DMXL2: variants seen among roughly 807,000 people sequenced by gnomAD.
DMXL2 encodes the protein dmX-like protein 2.
A neutral mutation model predicts 331.1 loss-of-function variants in DMXL2; 103 were observed. The ratio of observed to expected loss-of-function variants is 0.31; its 90% CI spans 0.27 to 0.37. DMXL2 has a LOEUF of 0.37. Ranked by LOEUF, DMXL2 falls within the 10% of genes least tolerant of loss-of-function variation. The pLI is 1.00. For missense variants in DMXL2, 3,171 were observed against 3,642.9 expected (o/e 0.87, Z 3.33); for synonymous variants, 1,281 against 1,252.1 (o/e 1.02, Z -0.49).
chr15:51,458,814 C>A lies in DMXL2; in HGVS notation c.7990-19G>T. On this transcript the variant is annotated intron_variant, in intron 34 of 43. Transcript: ENST00000560891. ...CTTCAACCTAGAAAACATTCATCAG[C>A]AGTTTTAGTTGCTGCAGCACAGCTC... 3 of 1,607,388 alleles carry A rather than the reference C, an allele frequency of 1.9e-6. No homozygotes were observed. Among genetic ancestry groups the A allele is most frequent in the Non-Finnish European group, 2.6e-6 (3 of 1,174,282 alleles).
chr15:51,453,735 C>T (rs866255949), intron 40 of DMXL2, 94 bp from the exon 41 acceptor site: 7 of 980,092 alleles, frequency 7.1e-6, no homozygotes, highest in Admixed American at 2.5e-5. Context: ...ATACTATATG[C>T]ATGAGCTAAA....
chr15:51,451,745 A>C (rs2039161749), intron 41 of DMXL2, 48 bp from the exon 42 acceptor site: 2 of 1,514,902 alleles, frequency 1.3e-6, no homozygotes, highest in Non-Finnish European at 1.8e-6. Context: ...TGATTGTTAT[A>C]AGTCGTCATC....
chr15:51,529,360 C>T (rs2047868758), intron 13 of DMXL2, among the ~76,000 whole-genome samples: 1 of 151,704 alleles, frequency 6.6e-6, no homozygotes, highest in African/African-American at 2.4e-5. Context: ...CAAGTTTTTT[C>T]CCAGACTAAG....
intron 13 of DMXL2, among the ~76,000 whole-genome samples, chr15:51,531,597 A>G (rs1163841116): frequency 1.3e-5 from 2 of 152,222 alleles, no homozygotes; most frequent in African/African-American, 2.4e-5. Context: ...CCACAGAATG[A>G]GAGAAAATAT....
intron 27 of DMXL2, 118 bp downstream of exon 27, chr15:51,476,471 C>CAAAG (rs1012188485): frequency 6.6e-6 from 8 of 1,204,266 alleles, no homozygotes; most frequent in African/African-American, 3.1e-5. Context: ...CATCAAAAAA[C>CAAAG]AAAGAAAGAA....
In DMXL2 at chr15:51,494,497, T is replaced by A. The variant is rs116375282; in HGVS notation, c.4783+527A>T. ...TTTTAATTCTATAGTTTCAATTTTT[T>A]AATCTGTAATACGAAGGCTGATATA... On this transcript the variant is annotated intron_variant, in intron 19 of 43. Transcript: ENST00000560891. 6.8e-3 allele frequency among the ~76,000 whole-genome samples: 1,029 copies of A among 152,320 alleles called. 19 individuals carry two copies. Among genetic ancestry groups the A allele is most frequent in the African/African-American group, 0.024 (993 of 41,580 alleles).
At chr15:51,552,106 C>A (rs759909035) in intron 6 of DMXL2, among the ~76,000 whole-genome samples, 1 of 152,182 alleles carries the variant, frequency 6.6e-6, no homozygotes, top group Non-Finnish European at 1.5e-5. Context: ...TTGGCATATT[C>A]AAGGCCTTGA....
chr15:51,477,989 A>G (rs1404055416), intron 26 of DMXL2, among the ~76,000 whole-genome samples: 1 of 152,102 alleles, frequency 6.6e-6, no homozygotes, highest in Non-Finnish European at 1.5e-5. Context: ...ATTTCATATT[A>G]TAAGTTATTA....
At chr15:51,456,278 C>T (rs527513265) in intron 38 of DMXL2, 31 bp downstream of exon 38, 2 of 1,595,444 alleles carry the variant, frequency 1.3e-6, no homozygotes, top group East Asian at 2.2e-5. Flanking sequence ...CAAATGAGGA[C>T]ACTTACAATT....
intron 1 of DMXL2, among the ~76,000 whole-genome samples, chr15:51,621,090 T>C (rs1286644614): frequency 2.6e-5 from 3 of 115,784 alleles, no homozygotes; most frequent in African/African-American, 8.8e-5. Flanking sequence ...TTCTTCTCTC[T>C]ATCCCCAAAA....
intron 29 of DMXL2, among the ~76,000 whole-genome samples, chr15:51,467,814 C>T (rs1424461573): frequency 6.6e-6 from 1 of 151,924 alleles, no homozygotes; most frequent in Non-Finnish European, 1.5e-5. Context: ...GCAAGCTCCG[C>T]CTCCCGGGTT....
intron 6 of DMXL2, among the ~76,000 whole-genome samples, chr15:51,551,941 G>GGA (rs2049247913): frequency 2.6e-5 from 4 of 152,298 alleles, no homozygotes; most frequent in Non-Finnish European, 5.9e-5. Flanking sequence ...ACCTTGCCTG[G>GGA]GAGATCAGAG....
intron 13 of DMXL2, among the ~76,000 whole-genome samples, chr15:51,532,676 T>G (rs1253833710): frequency 6.6e-6 from 1 of 152,108 alleles, no homozygotes; most frequent in Non-Finnish European, 1.5e-5. Context: ...CCCACAAAAA[T>G]TTTAAAAAAA....
chr15:51,489,071 A>G (rs1307286842), intron 20 of DMXL2, among the ~76,000 whole-genome samples: 1 of 152,226 alleles, frequency 6.6e-6, no homozygotes, highest in East Asian at 1.9e-4. Flanking sequence ...TGAAACTAAC[A>G]TAGAAAGCAA....
At chr15:51,572,647 A>G (rs1364140869) in intron 2 of DMXL2, among the ~76,000 whole-genome samples, 1 of 152,206 alleles carries the variant, frequency 6.6e-6, no homozygotes, top group African/African-American at 2.4e-5. Flanking sequence ...AAATCAATAA[A>G]TGTAATCCAT....
chr15:51,552,193 C>T (rs993894129), intron 6 of DMXL2, among the ~76,000 whole-genome samples: 2 of 152,142 alleles, frequency 1.3e-5, no homozygotes, highest in Non-Finnish European at 2.9e-5. Context: ...TACAGCAGAG[C>T]CTCACAGGCC....
chr15:51,506,850 T>A (rs1167692760), intron 16 of DMXL2, among the ~76,000 whole-genome samples: 5 of 152,210 alleles, frequency 3.3e-5, no homozygotes, highest in Admixed American at 3.3e-4. Flanking sequence ...TCTATGGACA[T>A]CTAGAACAGT....
At chr15:51,597,010 A>G (rs943633550) in intron 1 of DMXL2, among the ~76,000 whole-genome samples, 2 of 152,172 alleles carry the variant, frequency 1.3e-5, no homozygotes, top group Non-Finnish European at 2.9e-5. Flanking sequence ...AACATGGCAC[A>G]TGTATACATA....
chr15:51,592,777 A>C (rs2052485512), intron 1 of DMXL2, among the ~76,000 whole-genome samples: 2 of 115,208 alleles, frequency 1.7e-5, no homozygotes, highest in Non-Finnish European at 4.0e-5. Context: ...TCTTAAAGAA[A>C]AGAATTTTCA....
Sources: allele counts gnomAD v4.1 joint callset (sites outside exome capture counted in the v4.1 genomes callset), GRCh38; gene constraint gnomAD v4.1.1; transcripts MANE v1.5; gene names NCBI Gene and HGNC (gene_info 2026-07-23, HGNC 2026-07-21).